Variants in HSF2BP observed in about 807,000 individuals in gnomAD.
HSF2BP encodes the protein heat shock factor 2-binding protein.
Under a neutral mutation model 35.0 loss-of-function variants are expected in HSF2BP, and 35 were observed. That is an observed-to-expected ratio of 1.00 (90% CI 0.76 to 1.32). The LOEUF (loss-of-function observed/expected upper bound fraction) is 1.32, where lower values mean the gene tolerates loss of function less well. HSF2BP is among the 40% of genes most tolerant of loss of function. The pLI is 0.00. For synonymous variants in HSF2BP, 114 were observed against 117.4 expected (o/e 0.97, Z 0.18); for missense variants, 326 against 321.7 (o/e 1.01, Z -0.10).
intron 6 of HSF2BP, among the ~76,000 whole-genome samples, chr21:43,615,154 T>A (rs934701126): frequency 6.6e-6 from 1 of 152,208 alleles, no homozygotes; most frequent in Non-Finnish European, 1.5e-5. Flanking sequence ...GGTCTGACAG[T>A]AAAGCATGAT....
chr21:43,574,094 G>A (rs1370973123), intron 8 of HSF2BP, among the ~76,000 whole-genome samples: 1 of 152,122 alleles, frequency 6.6e-6, no homozygotes, highest in Non-Finnish European at 1.5e-5. Flanking sequence ...CTCACAGGGG[G>A]AGGAGGCCAG....
chr21:43,610,713 A>G (rs1485577014), intron 7 of HSF2BP, among the ~76,000 whole-genome samples: 2 of 152,348 alleles, frequency 1.3e-5, no homozygotes, highest in East Asian at 3.9e-4. Flanking sequence ...AAACACGAAC[A>G]CTGACATGGT....
chr21:43,467,937 ACACACAC>A, the HSF2BP span, among the ~76,000 whole-genome samples: 103 of 85,798 alleles, frequency 1.2e-3, 4 homozygotes, highest in South Asian at 0.039. Context: ...CACACCACAC[ACACACAC>A]CACACACACC....
intron 7 of HSF2BP, among the ~76,000 whole-genome samples, chr21:43,604,428 A>C (rs1315462658): frequency 7.7e-6 from 1 of 129,694 alleles, no homozygotes; most frequent in Non-Finnish European, 1.6e-5. Context: ...CCCACACACC[A>C]CACCACACAC....
intron 6 of HSF2BP, among the ~76,000 whole-genome samples, chr21:43,616,804 G>A (rs1011243732): frequency 2.0e-5 from 3 of 152,056 alleles, no homozygotes; most frequent in African/African-American, 7.2e-5. Context: ...GGTGGCAGGT[G>A]CCTGTAGTCC....
At chr21:43,615,294 T>C (rs1383550248) in intron 6 of HSF2BP, among the ~76,000 whole-genome samples, 1 of 152,252 alleles carries the variant, frequency 6.6e-6, no homozygotes, top group Non-Finnish European at 1.5e-5. Context: ...TGATGTCTGA[T>C]CTGTTTCTGG....
chr21:43,650,266 G>C (rs182258962), intron 3 of HSF2BP, among the ~76,000 whole-genome samples: 6 of 152,068 alleles, frequency 3.9e-5, no homozygotes, highest in African/African-American at 1.4e-4. Context: ...GAGTGCAGTG[G>C]TGCGATCTCG....
chr21:43,606,735 A>T (rs748916174), intron 7 of HSF2BP, among the ~76,000 whole-genome samples: 1 of 152,200 alleles, frequency 6.6e-6, no homozygotes, highest in East Asian at 1.9e-4. Flanking sequence ...CCAACAAGCC[A>T]GTACTCAGTG....
At chr21:43,625,144 G>A (rs1475717940) in intron 6 of HSF2BP, among the ~76,000 whole-genome samples, 2 of 152,086 alleles carry the variant, frequency 1.3e-5, no homozygotes, top group Non-Finnish European at 2.9e-5. Flanking sequence ...ACAGAAAACT[G>A]GTAACAGCTA....
chr21:43,584,206 G>A (rs377119846), intron 8 of HSF2BP, among the ~76,000 whole-genome samples: 1 of 151,766 alleles, frequency 6.6e-6, no homozygotes, highest in South Asian at 2.1e-4. Flanking sequence ...GGGAGATGAA[G>A]GGCCTGCTGA....
At chr21:43,588,037 C>A (rs937822149) in intron 8 of HSF2BP, among the ~76,000 whole-genome samples, 13 of 152,146 alleles carry the variant, frequency 8.5e-5, no homozygotes, top group Admixed American at 2.0e-4. Flanking sequence ...GGCAACTGAC[C>A]CAGAAGCCAA....
chr21:43,655,380 A>G (rs765929638), intron 3 of HSF2BP, among the ~76,000 whole-genome samples: 2 of 152,204 alleles, frequency 1.3e-5, no homozygotes, highest in Non-Finnish European at 2.9e-5. Context: ...AAATCAACCC[A>G]GATGTTGAGA....
intron 3 of HSF2BP, among the ~76,000 whole-genome samples, chr21:43,649,994 C>T (rs536402661): frequency 2.0e-5 from 3 of 152,280 alleles, no homozygotes; most frequent in Non-Finnish European, 4.4e-5. Context: ...TGTCTTCTTG[C>T]GACTTCACAA....
intron 4 of HSF2BP, among the ~76,000 whole-genome samples, chr21:43,643,284 C>T (rs1187335289): frequency 6.6e-6 from 1 of 152,104 alleles, no homozygotes; most frequent in Non-Finnish European, 1.5e-5. Flanking sequence ...CTCCGAGACT[C>T]TCATCGCTAT....
intron 7 of HSF2BP, among the ~76,000 whole-genome samples, chr21:43,600,054 C>T (rs969419432): frequency 6.6e-6 from 1 of 151,976 alleles, no homozygotes; most frequent in Non-Finnish European, 1.5e-5. Context: ...CTGGTGAACT[C>T]GAAATGCTAC....
rs990767945 is a variant in HSF2BP, at chr21:43,584,863, A to G, written c.796+7362T>C. On this transcript the variant is annotated intron_variant, in intron 8 of 8. Coordinates refer to ENST00000291560, the MANE Select transcript of HSF2BP (RefSeq NM_007031.2). ...ACCGGGGCTTTGTCTCCTATCCCCC[A>G]CACCCTGGGAGCCATGGAAACTAAA... Among the ~76,000 whole-genome samples the G allele has an allele frequency of 3.3e-5, 5 of 152,216 alleles. No homozygotes were observed. The South Asian group carries it at 1.0e-3, about 32-fold the overall frequency.
In HSF2BP at chr21:43,622,504, C is replaced by CA. The variant is rs943018948; in HGVS notation, c.574+7817dup. ...AAAAGATATCTATGCAACTGGAAACCAAAAAAAACAGGAGTAGCTACATCT... is the reference window on the plus strand; with the variant it reads ...AAAAGATATCTATGCAACTGGAAACCAAAAAAAAACAGGAGTAGCTACATCT... On this transcript the variant is annotated intron_variant, in intron 6 of 8. Transcript: ENST00000291560. 6.6e-5 allele frequency among the ~76,000 whole-genome samples: 10 copies of CA among 150,822 alleles called. No homozygotes were observed. In the South Asian group the frequency reaches 1.0e-3, roughly 16 times the overall value.
At chr21:43,596,911 T>C (rs908573701) in intron 7 of HSF2BP, among the ~76,000 whole-genome samples, 9 of 117,912 alleles carry the variant, frequency 7.6e-5, no homozygotes, top group Non-Finnish European at 1.4e-4. Context: ...AAAAAGAGAA[T>C]TTTTTTTTAT....
At chr21:43,657,858 G>C (rs2082897667) in intron 2 of HSF2BP, 1 of 985,334 alleles carries the variant, frequency 1.0e-6, no homozygotes. Context: ...CCGGGTCCCC[G>C]CGTGGGTTTG....
Sources: gnomAD v4.1 joint callset for allele counts (sites outside exome capture counted in the v4.1 genomes callset) on GRCh38, gnomAD v4.1.1 for gene constraint, MANE v1.5 for transcripts, NCBI Gene and HGNC (gene_info 2026-07-23, HGNC 2026-07-21) for gene names.